The following INPP4B variants were observed in gnomAD, a reference collection of about 807,000 sequenced individuals.
The protein encoded by INPP4B is inositol polyphosphate 4-phosphatase type II.
INPP4B carries 55 observed loss-of-function variants against 122.5 expected under a neutral mutation model. The ratio of observed to expected loss-of-function variants is 0.45; its 90% CI spans 0.36 to 0.56. INPP4B has a LOEUF of 0.56. Ranked by LOEUF, INPP4B falls within the 20% of genes least tolerant of loss-of-function variation. INPP4B has a pLI of 0.00. For synonymous variants in INPP4B, 403 were observed against 388.7 expected, an observed-to-expected ratio of 1.04 and a Z score of -0.43; for missense variants, 1,000 against 1,097.7, an observed-to-expected ratio of 0.91 and a Z score of 1.26.
intron 2 of INPP4B, among the ~76,000 whole-genome samples, chr4:142,489,056 A>G (rs1821536938): frequency 6.6e-6 from 1 of 152,042 alleles, no homozygotes; most frequent in Non-Finnish European, 1.5e-5. Context: ...TCTATGTGTT[A>G]ATTTTTGTTT....
intron 25 of INPP4B, among the ~76,000 whole-genome samples, chr4:142,071,627 A>C (rs906521976): frequency 6.6e-5 from 10 of 152,248 alleles, no homozygotes; most frequent in African/African-American, 2.4e-4. Flanking sequence ...AAAGAACTTC[A>C]GCAAATTTAC....
At chr4:142,241,254 T>C (rs1050182148) in intron 11 of INPP4B, among the ~76,000 whole-genome samples, 1 of 152,104 alleles carries the variant, frequency 6.6e-6, no homozygotes, top group Non-Finnish European at 1.5e-5. Context: ...GCTTTTGCCA[T>C]ACAATTGCTA....
chr4:142,713,537 ATACT>A (rs1484425078), intron 2 of INPP4B, among the ~76,000 whole-genome samples: 1 of 152,222 alleles, frequency 6.6e-6, no homozygotes, highest in Admixed American at 6.5e-5. Flanking sequence ...CTTCTGAGAA[ATACT>A]TACTCAAAGA....
chr4:142,184,549 A>C (rs2130689), intron 15 of INPP4B, among the ~76,000 whole-genome samples: 151,300 of 152,282 alleles, frequency 0.99, 75,169 homozygotes, highest in East Asian at 1. Context: ...GGCAGGCAAC[A>C]CTTTGATGTT....
intron 14 of INPP4B, among the ~76,000 whole-genome samples, chr4:142,194,406 C>CT (rs974255652): frequency 1.3e-5 from 2 of 152,166 alleles, no homozygotes; most frequent in Admixed American, 6.5e-5. Context: ...GGCTAAGACA[C>CT]TGGTTTCAGG....
In INPP4B at chr4:142,532,534, C is replaced by T. The variant is rs182410741; in HGVS notation, c.-190-69808G>A. 2.2e-4 allele frequency among the ~76,000 whole-genome samples: 34 copies of T among 152,240 alleles called. 1 individual carries two copies. The highest frequency in any genetic ancestry group is 8.3e-4 in the South Asian group (4 of 4,820). ...ACTCATCAAGATAGCAACTTTCAAC[C>T]AATCTGTGTGATTATTTGAGTAATG... On this transcript the variant is annotated intron_variant, in intron 2 of 25. Transcript: ENST00000262992.
At chr4:142,078,747 GTGATA>G (rs1218544966) in intron 25 of INPP4B, among the ~76,000 whole-genome samples, 3 of 151,998 alleles carry the variant, frequency 2.0e-5, no homozygotes, top group Non-Finnish European at 4.4e-5. Flanking sequence ...TAAATAAAGA[GTGATA>G]TGATAACCTT....
At chr4:142,167,547 C>G (rs961627526) in intron 16 of INPP4B, among the ~76,000 whole-genome samples, 1 of 151,582 alleles carries the variant, frequency 6.6e-6, no homozygotes, top group African/African-American at 2.4e-5. Flanking sequence ...ATCCTGGAAC[C>G]TAACATTAAA....
At chr4:142,390,193 C>T (rs547218652) in intron 7 of INPP4B, among the ~76,000 whole-genome samples, 9 of 152,216 alleles carry the variant, frequency 5.9e-5, no homozygotes, top group African/African-American at 2.2e-4. Context: ...TTGGGGATAA[C>T]ATTAAATAGT....
At chr4:142,542,039 G>A (rs1369796810) in intron 2 of INPP4B, among the ~76,000 whole-genome samples, 1 of 152,120 alleles carries the variant, frequency 6.6e-6, no homozygotes, top group East Asian at 1.9e-4. Context: ...TGGATTTCCT[G>A]CAAGTTCCAG....
rs192810349 is a variant in INPP4B at position 142,831,184 on chromosome 4, C to G, written c.-254+15025G>C. On this transcript the variant is annotated intron_variant, in intron 1 of 25. Transcript: ENST00000262992. ...CATTTTCTACTACTCAGCTTTGATG[C>G]CAGTAAATCGAGTACTAAATTCCAA... 4.9e-3 allele frequency among the ~76,000 whole-genome samples: 748 copies of G among 152,264 alleles called. 4 individuals carry two copies. Among genetic ancestry groups the G allele is most frequent in the Non-Finnish European group, 7.9e-3 (540 of 68,022 alleles).
chr4:142,289,288 G>A (rs950046144), intron 9 of INPP4B, among the ~76,000 whole-genome samples: 2 of 151,910 alleles, frequency 1.3e-5, no homozygotes, highest in African/African-American at 4.8e-5. Context: ...TCATTATTTT[G>A]TATATTAGTT....
intron 1 of INPP4B, among the ~76,000 whole-genome samples, chr4:142,755,076 A>C (rs574130021): frequency 6.6e-6 from 1 of 152,164 alleles, no homozygotes; most frequent in African/African-American, 2.4e-5. Context: ...GGGAACTCTC[A>C]TTCTGATGAC....
intron 2 of INPP4B, among the ~76,000 whole-genome samples, chr4:142,542,385 C>A (rs1199591696): frequency 4.6e-5 from 7 of 152,098 alleles, no homozygotes; most frequent in African/African-American, 1.4e-4. Flanking sequence ...CAAAAACATT[C>A]TTCCCTGTTA....
Position 142,445,233 on chromosome 4 carries a change from C to T in INPP4B, c.-126-13848G>A, listed in dbSNP as rs114219742. On this transcript the variant is annotated intron_variant, in intron 3 of 25. Coordinates refer to ENST00000262992, the MANE Select transcript of INPP4B (RefSeq NM_001101669.3). ...CTTAAACACAAAGAGTGAAAAAGCA[C>T]GATAAGCAAAAAAGCATAAAAGAGA... Among the ~76,000 whole-genome samples, 943 of 151,750 alleles carry T rather than the reference C, an allele frequency of 6.2e-3. 14 individuals carry two copies. Among genetic ancestry groups the T allele is most frequent in the African/African-American group, 0.022 (889 of 41,346 alleles).
chr4:142,668,188 A>G (rs889111748), intron 2 of INPP4B, among the ~76,000 whole-genome samples: 9 of 152,214 alleles, frequency 5.9e-5, no homozygotes, highest in African/African-American at 1.2e-4. Context: ...CACCCCAGGG[A>G]TGCAAGTATG....
At chr4:142,371,314 G>A (rs546730414) in intron 7 of INPP4B, among the ~76,000 whole-genome samples, 60 of 152,170 alleles carry the variant, frequency 3.9e-4, no homozygotes, top group African/African-American at 1.4e-3. Flanking sequence ...TCGAAACTAT[G>A]AAACTATTAG....
chr4:142,150,462 CG>C (rs1436888925), intron 17 of INPP4B, among the ~76,000 whole-genome samples: 1 of 152,136 alleles, frequency 6.6e-6, no homozygotes, highest in Non-Finnish European at 1.5e-5. Flanking sequence ...AATGGGGAAT[CG>C]GCAGGTTAAA....
chr4:142,370,757 T>C (rs1789598546), intron 7 of INPP4B, among the ~76,000 whole-genome samples: 1 of 151,300 alleles, frequency 6.6e-6, no homozygotes, highest in South Asian at 2.1e-4. Context: ...ATGATGAAAA[T>C]TGCAAAACAT....
Sources: gnomAD v4.1 joint callset for allele counts (sites outside exome capture counted in the v4.1 genomes callset) on GRCh38, gnomAD v4.1.1 for gene constraint, MANE v1.5 for transcripts, NCBI Gene and HGNC (gene_info 2026-07-23, HGNC 2026-07-21) for gene names.